DNAJC25: variants seen among roughly 807,000 people sequenced by gnomAD.
DNAJC25 encodes dnaJ homolog subfamily C member 25.
In DNAJC25, 26 loss-of-function variants were observed where a neutral mutation model predicts 42.1. The ratio of observed to expected loss-of-function variants is 0.62; its 90% confidence interval spans 0.45 to 0.86. The LOEUF (loss-of-function observed/expected upper bound fraction) is 0.86, where lower values mean the gene tolerates loss of function less well. Among genes scored for constraint, DNAJC25 ranks in the 40% least tolerant of loss-of-function variants. The pLI is 0.00. For missense variants in DNAJC25, 404 were observed against 459.4 expected (o/e 0.88, Z 1.10); for synonymous variants, 189 against 179.9 (o/e 1.05, Z -0.40).
chr9:111,637,027 TAATC>T (rs1310413255), intron 1 of DNAJC25, among the ~76,000 whole-genome samples: 2 of 152,194 alleles, frequency 1.3e-5, no homozygotes, highest in East Asian at 1.9e-4. Context: ...TCAGAGTTCT[TAATC>T]AACCTGAAAA....
At chr9:111,636,081 A>G (rs1159592389) in intron 1 of DNAJC25, among the ~76,000 whole-genome samples, 1 of 152,234 alleles carries the variant, frequency 6.6e-6, no homozygotes, top group Non-Finnish European at 1.5e-5. Context: ...CAGTTATTAT[A>G]TAAGTTATAT....
chr9:111,643,442 A>G (rs1830513225), intron 1 of DNAJC25, among the ~76,000 whole-genome samples: 1 of 152,246 alleles, frequency 6.6e-6, no homozygotes, highest in African/African-American at 2.4e-5. Context: ...ACCAAGTGTA[A>G]TAAGAACGAT....
At chr9:111,633,995 G>A (rs574354232) in intron 1 of DNAJC25, among the ~76,000 whole-genome samples, 2 of 152,184 alleles carry the variant, frequency 1.3e-5, no homozygotes, top group South Asian at 4.1e-4. Context: ...GAACAGGGGA[G>A]TGGAAGTGGA....
rs1363984246 is a variant in DNAJC25, at chr9:111,653,403, A to G, written c.*181A>G. ...TTAAAACTTTATACATAAGACATTT[A>G]TGATTGTTCAATTTTTATAATCTAT... On this transcript the variant is annotated 3_prime_UTR_variant, in exon 4 of 4. Coordinates refer to ENST00000313525, the MANE Select transcript of DNAJC25 (RefSeq NM_001015882.3). 1.7e-6 allele frequency: 1 copy of G among 574,796 alleles called. No individual in the cohort carries two copies. The highest frequency in any genetic ancestry group is 2.5e-6 in the Non-Finnish European group (1 of 393,642). 35.6% of individuals were successfully genotyped at this position (574,796 alleles called of 1,614,324 possible). A position where few individuals can be genotyped will look rare whatever the true frequency, so the allele number is the denominator to read the frequency against.
intron 1 of DNAJC25, among the ~76,000 whole-genome samples, chr9:111,641,182 G>T (rs1830454551): frequency 2.4e-5 from 3 of 127,420 alleles, no homozygotes; most frequent in Admixed American, 7.7e-5. Flanking sequence ...GAGGTGGGGG[G>T]GTCAGCCCCC....
Position 111,643,504 on chromosome 9 carries a change from T to C in DNAJC25, c.337-3603T>C, listed in dbSNP as rs1830518185. The stretch of plus-strand genomic sequence containing the variant: ...CATTCTAAAGGATTAATAGGACTCA[T>C]GAGGTTCAAATTAGAGAGAAATAGA... On this transcript the variant is annotated intron_variant, in intron 1 of 3. Coordinates refer to ENST00000313525, the MANE Select transcript of DNAJC25 (RefSeq NM_001015882.3). Among the ~76,000 whole-genome samples, 6 of 152,284 alleles carry C rather than the reference T, an allele frequency of 3.9e-5. No homozygotes were observed. In the South Asian group the frequency reaches 1.0e-3, roughly 26 times the overall value.
At chr9:111,652,483 C>T (rs1407099510) in intron 3 of DNAJC25, among the ~76,000 whole-genome samples, 2 of 146,950 alleles carry the variant, frequency 1.4e-5, no homozygotes, top group Non-Finnish European at 3.0e-5. Context: ...CCACTGCACT[C>T]CAGCCTAGGC....
intron 3 of DNAJC25, among the ~76,000 whole-genome samples, chr9:111,651,603 C>A (rs1342120775): frequency 6.6e-6 from 1 of 151,972 alleles, no homozygotes; most frequent in African/African-American, 2.4e-5. Flanking sequence ...TACAGAATTG[C>A]AGGCTAGGTG....
intron 1 of DNAJC25, among the ~76,000 whole-genome samples, chr9:111,633,456 A>G (rs1830317983): frequency 6.6e-6 from 1 of 152,144 alleles, no homozygotes; most frequent in Non-Finnish European, 1.5e-5. Flanking sequence ...AAGACCATGC[A>G]ATAGTATTTA....
intron 1 of DNAJC25, chr9:111,642,776 A>G: frequency 2.2e-6 from 1 of 462,274 alleles, no homozygotes; most frequent in South Asian, 1.6e-5. Context: ...TGACCCTTTA[A>G]GAGAAGGAAG....
intron 2 of DNAJC25, 47 bp downstream of exon 2, chr9:111,647,306 C>A: frequency 6.2e-7 from 1 of 1,604,200 alleles, no homozygotes; most frequent in Non-Finnish European, 8.5e-7. Context: ...GCATTGAGTG[C>A]ACATTGCCTA....
intron 3 of DNAJC25, among the ~76,000 whole-genome samples, chr9:111,650,261 A>G (rs1350390460): frequency 6.6e-6 from 1 of 151,858 alleles, no homozygotes; most frequent in African/African-American, 2.4e-5. Context: ...GCCCTTCCCA[A>G]GTTTTCTTCC....
At chr9:111,652,248 G>A (rs909868792) in intron 3 of DNAJC25, among the ~76,000 whole-genome samples, 2 of 151,936 alleles carry the variant, frequency 1.3e-5, no homozygotes, top group East Asian at 1.9e-4. Flanking sequence ...AGTGGCTCAC[G>A]CCTGTAATCC....
intron 1 of DNAJC25, among the ~76,000 whole-genome samples, chr9:111,635,044 AGT>A (rs1167417876): frequency 6.6e-6 from 1 of 152,192 alleles, no homozygotes; most frequent in Non-Finnish European, 1.5e-5. Flanking sequence ...AGTTGTATTT[AGT>A]GTGTTTGACT....
intron 1 of DNAJC25, among the ~76,000 whole-genome samples, chr9:111,634,676 A>T (rs995736937): frequency 2.0e-5 from 3 of 152,046 alleles, no homozygotes; most frequent in African/African-American, 7.2e-5. Context: ...CAGTGGATTT[A>T]TGATTCTGAG....
At chr9:111,641,662 C>G (rs1830470395) in intron 1 of DNAJC25, among the ~76,000 whole-genome samples, 1 of 135,574 alleles carries the variant, frequency 7.4e-6, no homozygotes, top group African/African-American at 3.0e-5. Context: ...GCCGCCCCGT[C>G]CGGGAGGGAG....
In DNAJC25 at chr9:111,636,253, T is replaced by C. The variant is rs548780499; in HGVS notation, c.336+4510T>C. Among the ~76,000 whole-genome samples the C allele has an allele frequency of 2.3e-3, 345 of 152,248 alleles. 2 individuals carry two copies. The highest frequency in any genetic ancestry group is 6.9e-3 in the Admixed American group (106 of 15,290). ...AGGGGAAACTTGATCAACAGAAACA[T>C]AGAGTCATGAGTGTGCAAGGCTTGT... On this transcript the variant is annotated intron_variant, in intron 1 of 3. Transcript: ENST00000313525.
At position 111,653,455 on chromosome 9, in the gene DNAJC25, A is replaced by T. The variant is rs1830695564; in HGVS notation, c.*233A>T. On this transcript the variant is annotated 3_prime_UTR_variant, in exon 4 of 4. Transcript: ENST00000313525. Reference sequence around the variant, plus strand: ...TGTGGATTTTGTTAAAAGATTTCACATGAAGATTTATTAGTTGCCATTTAA... The same window carrying T: ...TGTGGATTTTGTTAAAAGATTTCACTTGAAGATTTATTAGTTGCCATTTAA... 2 of 382,002 alleles carry T rather than the reference A, an allele frequency of 5.2e-6. No individual in the cohort carries two copies. Among genetic ancestry groups the T allele is most frequent in the Non-Finnish European group, 8.4e-6 (2 of 237,782 alleles). 23.7% of individuals were successfully genotyped at this position (382,002 alleles called of 1,614,324 possible). A position where few individuals can be genotyped will look rare whatever the true frequency, so the allele number is the denominator to read the frequency against.
intron 1 of DNAJC25, 48 bp from the exon 2 acceptor site, chr9:111,647,059 C>T (rs749657976): frequency 6.5e-7 from 1 of 1,537,682 alleles, no homozygotes; most frequent in Non-Finnish European, 8.8e-7. Flanking sequence ...TAAACTAAGG[C>T]CATTTAATGG....
Sources: gnomAD v4.1 joint callset for allele counts (sites outside exome capture counted in the v4.1 genomes callset) on GRCh38, gnomAD v4.1.1 for gene constraint, MANE v1.5 for transcripts, NCBI Gene and HGNC (gene_info 2026-07-23, HGNC 2026-07-21) for gene names.